The following OR2L13 variants were observed in gnomAD, a reference collection of about 807,000 sequenced individuals.
OR2L13 encodes the protein olfactory receptor family 2 subfamily L member 13.
A neutral mutation model predicts 15.3 loss-of-function variants in OR2L13; 14 were observed. That is an observed-to-expected ratio of 0.91 (90% CI 0.60 to 1.43). OR2L13 has a LOEUF of 1.43. Among genes scored for constraint, OR2L13 ranks in the 40% most tolerant of loss-of-function variants. The pLI is 0.00. For synonymous variants in OR2L13, 152 were observed against 142.9 expected (o/e 1.06, Z -0.45); for missense variants, 367 against 387.9 (o/e 0.95, Z 0.45).
At chr1:247,958,130 T>C in the OR2L13 span, among the ~76,000 whole-genome samples, 1 of 152,328 alleles carries the variant, frequency 6.6e-6, no homozygotes, top group Non-Finnish European at 1.5e-5. Flanking sequence ...CCAGAGATTC[T>C]GGTATGTTGT....
At chr1:247,982,722 T>C in the OR2L13 span, among the ~76,000 whole-genome samples, 1 of 152,190 alleles carries the variant, frequency 6.6e-6, no homozygotes, top group Non-Finnish European at 1.5e-5. Context: ...TGTATGGTTG[T>C]TGCTGGATCA....
the OR2L13 span, among the ~76,000 whole-genome samples, chr1:247,947,798 G>C: frequency 6.6e-6 from 1 of 152,198 alleles, no homozygotes; most frequent in Non-Finnish European, 1.5e-5. Flanking sequence ...TTTATTCTAG[G>C]TTTCTAAATA....
chr1:248,018,791 C>A, the OR2L13 span, among the ~76,000 whole-genome samples: 1 of 152,182 alleles, frequency 6.6e-6, no homozygotes, highest in African/African-American at 2.4e-5. Context: ...GTTCTCCACA[C>A]AATTATTCTC....
the OR2L13 span, among the ~76,000 whole-genome samples, chr1:247,940,628 A>G: frequency 1.3e-5 from 2 of 152,118 alleles, no homozygotes; most frequent in Non-Finnish European, 2.9e-5. Context: ...ATGAGCACCT[A>G]GGTTGAATGT....
exon 3 of OR2L13, chr1:248,100,381 T>G: frequency 1.2e-6 from 1 of 857,166 alleles, no homozygotes; most frequent in Non-Finnish European, 1.8e-6. Flanking sequence ...TAGAGCAGGG[T>G]TGTCCAATAG....
At chr1:248,087,436 A>G in the OR2L13 span, 1 of 152,188 alleles carries the variant, frequency 6.6e-6, no homozygotes, top group Non-Finnish European at 1.5e-5. Flanking sequence ...AATACGAGTA[A>G]TTTGAAATTA....
At chr1:248,061,716 T>A in the OR2L13 span, 2 of 1,152,344 alleles carry the variant, frequency 1.7e-6, no homozygotes, top group Admixed American at 5.8e-5. Flanking sequence ...GTTCAGGAGC[T>A]AAAAGTAATC....
chr1:248,023,579 C>T, the OR2L13 span: 7 of 152,304 alleles, frequency 4.6e-5, no homozygotes, highest in South Asian at 4.1e-4. Context: ...TCATGCAAGA[C>T]GTTCTCTTCT....
At chr1:247,985,373 T>G in the OR2L13 span, among the ~76,000 whole-genome samples, 1 of 152,154 alleles carries the variant, frequency 6.6e-6, no homozygotes, top group Non-Finnish European at 1.5e-5. Context: ...GGTTTTTTTG[T>G]CCTTGCAATA....
the OR2L13 span, among the ~76,000 whole-genome samples, chr1:248,065,135 C>A: frequency 6.6e-6 from 1 of 152,200 alleles, no homozygotes; most frequent in African/African-American, 2.4e-5. Context: ...GAATTCATTA[C>A]CTCACAGAGT....
the OR2L13 span, among the ~76,000 whole-genome samples, chr1:248,056,891 C>T: frequency 6.6e-6 from 1 of 151,966 alleles, no homozygotes; most frequent in East Asian, 1.9e-4. Flanking sequence ...CTCAGGCAAT[C>T]TGCCCGCCTT....
At chr1:247,992,144 A>G in the OR2L13 span, among the ~76,000 whole-genome samples, 5,459 of 149,232 alleles carry the variant, frequency 0.037, 680 homozygotes, top group African/African-American at 0.13. Flanking sequence ...AAGGCAACAT[A>G]GATGAAGATC....
the OR2L13 span, among the ~76,000 whole-genome samples, chr1:247,940,019 C>T: frequency 6.6e-6 from 1 of 152,154 alleles, no homozygotes; most frequent in Non-Finnish European, 1.5e-5. Context: ...TTTCAAGTCT[C>T]ACAATCAGTT....
the OR2L13 span, among the ~76,000 whole-genome samples, chr1:248,004,460 C>A: frequency 6.6e-6 from 1 of 152,090 alleles, no homozygotes; most frequent in Non-Finnish European, 1.5e-5. Flanking sequence ...AAAAAAATAT[C>A]TCTTGACTTG....
At chr1:248,076,591 T>G in the OR2L13 span, among the ~76,000 whole-genome samples, 5 of 152,338 alleles carry the variant, frequency 3.3e-5, no homozygotes, top group African/African-American at 1.2e-4. Flanking sequence ...CCTAGATATT[T>G]TATTCTCTTT....
the OR2L13 span, among the ~76,000 whole-genome samples, chr1:248,036,978 G>A: frequency 2.6e-5 from 4 of 152,100 alleles, no homozygotes; most frequent in African/African-American, 4.8e-5. Context: ...AATATACATC[G>A]TATACGGGGA....
At chr1:247,994,309 A>G in the OR2L13 span, among the ~76,000 whole-genome samples, 1 of 152,280 alleles carries the variant, frequency 6.6e-6, no homozygotes, top group South Asian at 2.1e-4. Flanking sequence ...AGGCAGGAGA[A>G]TGGCGTGAAC....
chr1:248,066,556 A>G, the OR2L13 span, among the ~76,000 whole-genome samples: 8 of 152,210 alleles, frequency 5.3e-5, 1 homozygote, highest in African/African-American at 1.9e-4. Context: ...CGTGGACCAC[A>G]CATGTTGGAC....
At chr1:248,049,723 GT>G in the OR2L13 span, among the ~76,000 whole-genome samples, 2 of 152,052 alleles carry the variant, frequency 1.3e-5, no homozygotes, top group African/African-American at 4.8e-5. Context: ...CTTATGTGGA[GT>G]TTTTGTTTTA....
Sources: allele counts gnomAD v4.1 joint callset (sites outside exome capture counted in the v4.1 genomes callset), GRCh38; gene constraint gnomAD v4.1.1; transcripts MANE v1.5; gene names NCBI Gene and HGNC (gene_info 2026-07-23, HGNC 2026-07-21).